Variants in ATL1 observed in about 807,000 individuals in gnomAD.
ATL1 encodes atlastin GTPase 1.
ATL1 carries 31 observed loss-of-function variants against 75.5 expected under a neutral mutation model. That is an observed-to-expected ratio of 0.41 (90% CI 0.31 to 0.55). The LOEUF (loss-of-function observed/expected upper bound fraction) is 0.55, where lower values mean the gene tolerates loss of function less well. ATL1 is among the 20% of genes least tolerant of loss of function. The pLI is 0.27. For missense variants in ATL1, 405 were observed against 662.6 expected (o/e 0.61, Z 4.27); for synonymous variants, 226 against 233.3 (o/e 0.97, Z 0.28).
intron 8 of ATL1, among the ~76,000 whole-genome samples, chr14:50,618,287 C>T (rs2039433506): frequency 6.6e-6 from 1 of 152,090 alleles, no homozygotes; most frequent in Non-Finnish European, 1.5e-5. Flanking sequence ...AATACAGATA[C>T]ATGGCAGGCA....
chr14:50,567,760 T>C (rs1414770743), intron 1 of ATL1, among the ~76,000 whole-genome samples: 1 of 152,246 alleles, frequency 6.6e-6, no homozygotes, highest in Non-Finnish European at 1.5e-5. Context: ...TTTAAGAGTG[T>C]GTTGTTTAAT....
chr14:50,605,938 T>C (rs1318408492), intron 6 of ATL1, among the ~76,000 whole-genome samples: 2 of 152,072 alleles, frequency 1.3e-5, no homozygotes. Context: ...AGCCTTCTGA[T>C]CTAGCAGTTT....
At chr14:50,626,508 G>A (rs534760198) in intron 11 of ATL1, among the ~76,000 whole-genome samples, 4 of 152,300 alleles carry the variant, frequency 2.6e-5, no homozygotes, top group East Asian at 1.9e-4. Context: ...TTCTCTTAAC[G>A]GATAAGGAGT....
intron 1 of ATL1, among the ~76,000 whole-genome samples, chr14:50,582,930 C>T (rs2356453): frequency 0.79 from 120,709 of 152,152 alleles, 48,581 homozygotes; most frequent in African/African-American, 0.93. Context: ...ATTTGCTACA[C>T]TGATATGTTG....
chr14:50,573,751 T>TA (rs1162991379), intron 1 of ATL1, among the ~76,000 whole-genome samples: 2 of 152,286 alleles, frequency 1.3e-5, no homozygotes, highest in Non-Finnish European at 2.9e-5. Context: ...ATATGTTTTT[T>TA]AAAAAAACAT....
chr14:50,553,220 G>A lies in ATL1; in HGVS notation c.-139-6907G>A, dbSNP rs147999121. 6.8e-3 allele frequency among the ~76,000 whole-genome samples: 1,023 copies of A among 149,798 alleles called. 15 individuals carry two copies. Among genetic ancestry groups the A allele is most frequent in the African/African-American group, 0.023 (955 of 40,742 alleles). ...CTGAAGCAGGAGAATGCAGTGAGCC[G>A]AGATCGTGCCACTGCACTCCAGCCT... On this transcript the variant is annotated intron_variant, in intron 1 of 13. Transcript: ENST00000441560.
intron 1 of ATL1, among the ~76,000 whole-genome samples, chr14:50,553,277 A>C (rs2140162969): frequency 6.6e-6 from 1 of 152,106 alleles, no homozygotes; most frequent in East Asian, 1.9e-4. Flanking sequence ...TTTCAAAAAA[A>C]AAAAAAAAGT....
intron 11 of ATL1, among the ~76,000 whole-genome samples, chr14:50,624,510 A>T (rs2039498088): frequency 6.6e-6 from 1 of 152,078 alleles, no homozygotes; most frequent in Admixed American, 6.6e-5. Flanking sequence ...ATCAACCAGC[A>T]GTTCCCCCAT....
At chr14:50,618,514 A>G (rs969345745) in intron 8 of ATL1, among the ~76,000 whole-genome samples, 2 of 152,210 alleles carry the variant, frequency 1.3e-5, no homozygotes, top group African/African-American at 4.8e-5. Flanking sequence ...TCAAAGTGGC[A>G]CAAAACATGA....
chr14:50,591,576 T>G lies in ATL1; in HGVS notation c.459T>G (p.Ser153Arg). ...LLMDTQGTFD[S>R]QSTLRDSATV... Reference sequence around the variant, plus strand: ...TGGATACTCAGGGAACCTTTGATAGTCAGTCAACTTTGAGAGATTCAGCCA... The same window carrying G: ...TGGATACTCAGGGAACCTTTGATAGGCAGTCAACTTTGAGAGATTCAGCCA... The change falls in exon 4 of 14, where the codon AGT becomes AGG. Residue 153 changes from serine (S) to arginine (R), a missense_variant. Physicochemically the swap from Ser to Arg is moderately radical, Grantham distance 110 (BLOSUM62 -1). Around this residue, in one of 5 missense-constraint regions of ATL1, gnomAD observed 59 missense variants for 161.4 expected, o/e 0.37. Transcript: ENST00000358385. 2 of 1,613,734 alleles carry G rather than the reference T, an allele frequency of 1.2e-6. No individual in the cohort carries two copies. Among genetic ancestry groups the G allele is most frequent in the Non-Finnish European group, 8.5e-7 (1 of 1,179,784 alleles).
At chr14:50,547,879 G>T (rs1164523559) in intron 1 of ATL1, among the ~76,000 whole-genome samples, 2 of 152,152 alleles carry the variant, frequency 1.3e-5, no homozygotes, top group Non-Finnish European at 2.9e-5. Flanking sequence ...GGACTTTCCA[G>T]GTACTACCAA....
In ATL1 at chr14:50,616,395, C is replaced by T. The variant is rs183900794; in HGVS notation, c.862+1884C>T. On this transcript the variant is annotated intron_variant, in intron 8 of 13. Transcript: ENST00000358385. ...CACTGCAGCCTTGAACTATTGAGCT[C>T]ACACAATCCTCCTGCTTCAGCCTCC... 4.6e-3 allele frequency among the ~76,000 whole-genome samples: 702 copies of T among 152,230 alleles called. 9 individuals are homozygous for T. The highest frequency in any genetic ancestry group is 0.016 in the African/African-American group (671 of 41,542).
rs1471020425 is a variant in ATL1 at position 50,553,178 on chromosome 14, C to G, written c.-139-6949C>G. On this transcript the variant is annotated intron_variant, in intron 1 of 13. Coordinates refer to the ATL1 transcript ENST00000441560. ...ATGCATGGTGGTGTGTGCCTGTAGT[C>G]ACAGCTACTCAGGAGGCTGAAGCAG... is the stretch of plus-strand genomic sequence containing the variant. 2.6e-5 allele frequency among the ~76,000 whole-genome samples: 4 copies of G among 150,982 alleles called. No individual in the cohort carries two copies. The East Asian group carries it at 5.8e-4, about 22-fold the overall frequency.
chr14:50,629,671 G>A (rs958553516), intron 12 of ATL1, among the ~76,000 whole-genome samples: 19 of 151,960 alleles, frequency 1.3e-4, no homozygotes, highest in African/African-American at 2.9e-4. Context: ...TAAACTAGTG[G>A]TAGCACAATG....
rs1027969148 is a variant in ATL1 at position 50,589,982 on chromosome 14, C to A, written c.283-959C>A. ...CAAAATGGGGGTAACTACTATCAAC[C>A]AAGGTCACCAATTACTGACTTACTA... On this transcript the variant is annotated intron_variant, in intron 2 of 13. Coordinates refer to ENST00000358385, the MANE Select transcript of ATL1 (RefSeq NM_015915.5). Among the ~76,000 whole-genome samples, 35 of 152,106 alleles carry A rather than the reference C, an allele frequency of 2.3e-4. 1 individual carries two copies. The highest frequency in any genetic ancestry group is 7.4e-5 in the Non-Finnish European group (5 of 68,026).
At chr14:50,560,411 C>T in intron 1 of ATL1, 112 bp downstream of exon 1, 1 of 1,395,778 alleles carries the variant, frequency 7.2e-7, no homozygotes, top group South Asian at 1.2e-5. Context: ...GCGTCCACGG[C>T]TGGGAGACGG....
upstream of ATL1, among the ~76,000 whole-genome samples, chr14:50,558,526 TTG>T (rs145336036): frequency 2.3e-3 from 357 of 152,376 alleles, 3 homozygotes; most frequent in African/African-American, 8.2e-3. Context: ...AAGCATTTTT[TTG>T]TGATTCACAC....
At position 50,591,543 on chromosome 14, in the gene ATL1, G is replaced by C; in HGVS notation, c.426G>C (p.Val142=). ...INKPDGKKVA[V]LLMDTQGTFD... ...ACTCTTCTTGCCTGTAGGTTGCAGT[G>C]TTATTGATGGATACTCAGGGAACCT... is the stretch of plus-strand genomic sequence containing the variant. Residue 142 remains valine (V), a synonymous_variant, in exon 4 of 14, where the codon GTG becomes GTC. Coordinates refer to ENST00000358385, the MANE Select transcript of ATL1 (RefSeq NM_015915.5). 6.2e-7 allele frequency: 1 copy of C among 1,612,138 alleles called. No homozygotes were observed. The highest frequency in any genetic ancestry group is 8.5e-7 in the Non-Finnish European group (1 of 1,178,414).
intron 1 of ATL1, among the ~76,000 whole-genome samples, chr14:50,565,439 C>T (rs768468514): frequency 7.9e-5 from 12 of 151,470 alleles, no homozygotes; most frequent in South Asian, 4.2e-4. Flanking sequence ...GAGCTGAGAT[C>T]GCACCACTGT....
Sources: gnomAD v4.1 joint callset for allele counts (sites outside exome capture counted in the v4.1 genomes callset) on GRCh38, gnomAD v4.1.1 for gene constraint, gnomAD v4.1.1 regional missense constraint, MANE v1.5 for transcripts, NCBI Gene and HGNC (gene_info 2026-07-23, HGNC 2026-07-21) for gene names.